The following GABRG1 variants were observed in gnomAD, a reference collection of about 807,000 sequenced individuals.
GABRG1 encodes gamma-aminobutyric acid type A receptor subunit gamma1.
GABRG1 carries 49 observed loss-of-function variants against 49.8 expected under a neutral mutation model. The ratio of observed to expected loss-of-function variants is 0.98; its 90% CI spans 0.78 to 1.25. GABRG1 has a LOEUF of 1.25. Ranked by LOEUF, GABRG1 falls within the 50% of genes most tolerant of loss-of-function variation. The pLI is 0.00. For missense variants in GABRG1, 552 were observed against 552.3 expected (o/e 1.00, Z 0.01); for synonymous variants, 232 against 185.1 (o/e 1.25, Z -2.06).
intron 3 of GABRG1, among the ~76,000 whole-genome samples, chr4:46,078,508 G>A (rs1182271105): frequency 1.3e-5 from 2 of 151,874 alleles, no homozygotes; most frequent in East Asian, 1.9e-4. Context: ...GAAAAAGAGA[G>A]GGTGAGAAAG....
intron 3 of GABRG1, among the ~76,000 whole-genome samples, chr4:46,070,441 C>T (rs1266444583): frequency 2.0e-5 from 3 of 151,874 alleles, no homozygotes; most frequent in Non-Finnish European, 4.4e-5. Context: ...TATGAATGAA[C>T]TCCCAGTTCT....
chr4:46,072,304 C>A (rs1242447606), intron 3 of GABRG1, among the ~76,000 whole-genome samples: 1 of 152,026 alleles, frequency 6.6e-6, no homozygotes, highest in Non-Finnish European at 1.5e-5. Flanking sequence ...ACTAAAGATA[C>A]ATTTCTTATA....
At chr4:46,101,882 T>A (rs1720392558) in intron 1 of GABRG1, among the ~76,000 whole-genome samples, 1 of 151,666 alleles carries the variant, frequency 6.6e-6, no homozygotes, top group Non-Finnish European at 1.5e-5. Context: ...TTGTCATCTA[T>A]GTATAAAGTA....
At chr4:46,064,410 C>T (rs755569239) in intron 5 of GABRG1, 31 bp downstream of exon 5, 1 of 1,195,626 alleles carries the variant, frequency 8.4e-7, no homozygotes, top group Non-Finnish European at 1.2e-6. Flanking sequence ...GGTTAAAATT[C>T]TATGAAATTA....
chr4:46,102,892 A>G (rs1209649880), intron 1 of GABRG1, among the ~76,000 whole-genome samples: 1 of 151,692 alleles, frequency 6.6e-6, no homozygotes, highest in Non-Finnish European at 1.5e-5. Context: ...TTATTACTAG[A>G]GAAAAAAATA....
intron 1 of GABRG1, among the ~76,000 whole-genome samples, chr4:46,118,373 G>A (rs778718203): frequency 6.0e-5 from 9 of 150,198 alleles, no homozygotes; most frequent in Non-Finnish European, 1.3e-4. Flanking sequence ...TCCCAGAGTT[G>A]CAACTGATGG....
At chr4:46,083,926 T>C (rs562360491) in intron 3 of GABRG1, 60 bp downstream of exon 3, 4 of 879,582 alleles carry the variant, frequency 4.5e-6, no homozygotes, top group Non-Finnish European at 3.7e-6. Context: ...CGAATTCTAT[T>C]TTGGAGGTAT....
intron 3 of GABRG1, among the ~76,000 whole-genome samples, chr4:46,067,370 GTA>G (rs894532495): frequency 6.6e-6 from 1 of 151,984 alleles, no homozygotes; most frequent in Non-Finnish European, 1.5e-5. Context: ...AGTATGAGAT[GTA>G]TGTTTTATAA....
chr4:46,120,462 A>G (rs1348020683), intron 1 of GABRG1, among the ~76,000 whole-genome samples: 1 of 151,766 alleles, frequency 6.6e-6, no homozygotes, highest in African/African-American at 2.4e-5. Context: ...TGGATAAACT[A>G]AAAGACTCTG....
chr4:46,041,630 C>A (rs116343448), intron 8 of GABRG1, among the ~76,000 whole-genome samples: 1 of 151,472 alleles, frequency 6.6e-6, no homozygotes, highest in Admixed American at 6.6e-5. Context: ...TATTATTTAT[C>A]GACTTTAATA....
In GABRG1 at chr4:46,036,375, G is replaced by A. The variant is rs978684320; in HGVS notation, c.*4613C>T. On this transcript the variant is annotated 3_prime_UTR_variant, in exon 9 of 9. Coordinates refer to ENST00000295452, the MANE Select transcript of GABRG1 (RefSeq NM_173536.4). ...TTTGAATAGAAAACTCTTTTAGTGAGGAACATTTTTCAAAAAATAAGAATC... is the reference window on the plus strand; with the variant it reads ...TTTGAATAGAAAACTCTTTTAGTGAAGAACATTTTTCAAAAAATAAGAATC... 6.6e-6 allele frequency: 1 copy of A among 151,722 alleles called. No individual in the cohort carries two copies. The highest frequency in any genetic ancestry group is 2.1e-4 in the South Asian group (1 of 4,812). 9.4% of individuals were successfully genotyped at this position (151,722 alleles called of 1,614,324 possible). A position where few individuals can be genotyped will look rare whatever the true frequency, so the allele number is the denominator to read the frequency against.
At chr4:46,051,163 G>A (rs1219401231) in intron 8 of GABRG1, among the ~76,000 whole-genome samples, 1 of 151,720 alleles carries the variant, frequency 6.6e-6, no homozygotes, top group African/African-American at 2.4e-5. Context: ...TAATGTTTGA[G>A]GTACAAAGAA....
chr4:46,120,748 CG>C (rs1721069103), intron 1 of GABRG1, among the ~76,000 whole-genome samples: 2 of 151,552 alleles, frequency 1.3e-5, no homozygotes, highest in Admixed American at 1.3e-4. Context: ...TATTTTCAAC[CG>C]GGCAACTGAA....
At chr4:46,110,597 A>C (rs1244740888) in intron 1 of GABRG1, among the ~76,000 whole-genome samples, 2 of 151,168 alleles carry the variant, frequency 1.3e-5, no homozygotes, top group African/African-American at 4.8e-5. Flanking sequence ...AGATGCAAAA[A>C]CCCTCAAAAT....
At chr4:46,082,048 G>A (rs550394350) in intron 3 of GABRG1, among the ~76,000 whole-genome samples, 1 of 151,798 alleles carries the variant, frequency 6.6e-6, no homozygotes, top group Non-Finnish European at 1.5e-5. Flanking sequence ...AAAAGCGAAG[G>A]AGAGGAGTAG....
chr4:46,116,930 A>G (rs1348588807), intron 1 of GABRG1, among the ~76,000 whole-genome samples: 1 of 150,576 alleles, frequency 6.6e-6, no homozygotes, highest in Non-Finnish European at 1.5e-5. Context: ...TCTTTACTCA[A>G]CACACTCTAT....
chr4:46,062,964 A>G (rs537451003), intron 5 of GABRG1, among the ~76,000 whole-genome samples: 2 of 151,802 alleles, frequency 1.3e-5, no homozygotes, highest in African/African-American at 4.8e-5. Context: ...CTTACAAGGG[A>G]CGTGAAGGAC....
intron 3 of GABRG1, among the ~76,000 whole-genome samples, chr4:46,077,230 A>G (rs988893767): frequency 2.0e-5 from 3 of 151,844 alleles, no homozygotes; most frequent in African/African-American, 7.2e-5. Flanking sequence ...CAGCACACCA[A>G]CATGGCACAT....
At chr4:46,060,830 A>C (rs1718644482) in intron 5 of GABRG1, among the ~76,000 whole-genome samples, 1 of 152,154 alleles carries the variant, frequency 6.6e-6, no homozygotes, top group African/African-American at 2.4e-5. Context: ...GAGGATAGAC[A>C]TAGTATACAG....
Sources: allele counts gnomAD v4.1 joint callset (sites outside exome capture counted in the v4.1 genomes callset), GRCh38; gene constraint gnomAD v4.1.1; transcripts MANE v1.5; gene names NCBI Gene and HGNC (gene_info 2026-07-23, HGNC 2026-07-21).